The following PHLPP1 variants were observed in gnomAD, a reference collection of about 807,000 sequenced individuals.
PHLPP1 encodes the protein PH domain and leucine rich repeat protein phosphatase 1.
PHLPP1 carries 42 observed loss-of-function variants against 117.2 expected under a neutral mutation model. The ratio of observed to expected loss-of-function variants is 0.36; its 90% confidence interval spans 0.28 to 0.46. The LOEUF (loss-of-function observed/expected upper bound fraction) is 0.46, where lower values mean the gene tolerates loss of function less well. Ranked by LOEUF, PHLPP1 falls within the 20% of genes least tolerant of loss-of-function variation. The pLI is 1.00. For missense variants in PHLPP1, 2,084 were observed against 2,241.9 expected, an observed-to-expected ratio of 0.93 and a Z score of 1.42; for synonymous variants, 1,042 against 970.7, an observed-to-expected ratio of 1.07 and a Z score of -1.37.
chr18:62,821,152 C>T (rs1196411766), intron 1 of PHLPP1, among the ~76,000 whole-genome samples: 1 of 152,148 alleles, frequency 6.6e-6, no homozygotes, highest in East Asian at 1.9e-4. Flanking sequence ...AAAAGATGGA[C>T]CTAGTGCGTT....
intron 1 of PHLPP1, among the ~76,000 whole-genome samples, chr18:62,817,672 G>A (rs1914326034): frequency 6.6e-6 from 1 of 151,726 alleles, no homozygotes. Flanking sequence ...TTAAAATAAT[G>A]GCTGAAAAAA....
chr18:62,874,046 T>C (rs975710735), intron 4 of PHLPP1, among the ~76,000 whole-genome samples: 17 of 150,884 alleles, frequency 1.1e-4, no homozygotes, highest in African/African-American at 4.2e-4. Context: ...AGCTGGGCCG[T>C]GGTGGTGCAT....
At chr18:62,843,367 A>G (rs1246918447) in intron 3 of PHLPP1, among the ~76,000 whole-genome samples, 2 of 152,196 alleles carry the variant, frequency 1.3e-5, no homozygotes, top group Non-Finnish European at 2.9e-5. Flanking sequence ...TTAAAAGGAA[A>G]GTTCTTTATT....
At chr18:62,798,020 T>G (rs1373956247) in intron 1 of PHLPP1, among the ~76,000 whole-genome samples, 1 of 152,256 alleles carries the variant, frequency 6.6e-6, no homozygotes, top group Non-Finnish European at 1.5e-5. Flanking sequence ...AGTTGATTCC[T>G]TTTTCCAAGC....
At chr18:62,931,878 GA>G (rs61550621) in intron 10 of PHLPP1, among the ~76,000 whole-genome samples, 32,143 of 76,506 alleles carry the variant, frequency 0.42, 4,500 homozygotes, top group Middle Eastern at 0.49. Flanking sequence ...CTGGGCGACA[GA>G]AAAAAAAAAA....
At chr18:62,871,562 A>AGGTGATCTG (rs1354575053) in intron 4 of PHLPP1, among the ~76,000 whole-genome samples, 2 of 151,828 alleles carry the variant, frequency 1.3e-5, no homozygotes, top group African/African-American at 4.8e-5. Context: ...TCCTGACCTC[A>AGGTGATCTG]GGTGATCTGA....
chr18:62,896,077 G>A, intron 6 of PHLPP1, 66 bp downstream of exon 6: 1 of 943,500 alleles, frequency 1.1e-6, no homozygotes, highest in Non-Finnish European at 1.6e-6. Flanking sequence ...TGGGGAGTAG[G>A]TTATTAACCA....
intron 14 of PHLPP1, among the ~76,000 whole-genome samples, chr18:62,967,965 A>G: frequency 6.6e-6 from 1 of 151,892 alleles, no homozygotes; most frequent in Non-Finnish European, 1.5e-5. Flanking sequence ...CTAGGATTTC[A>G]GGCATGCGCC....
intron 1 of PHLPP1, among the ~76,000 whole-genome samples, chr18:62,739,890 C>T (rs1911472408): frequency 6.6e-6 from 1 of 152,128 alleles, no homozygotes. Context: ...AGCTCATCAA[C>T]CAAGTAATCA....
Position 62,717,288 on chromosome 18 carries a change from G to T in PHLPP1, c.1576+29G>T. Reference sequence around the variant, plus strand: ...AGGAAGTCACCTGCCTTGACGGGTGGTTGCAAAAGCTGCCGAGGACCGAGG... The same window carrying T: ...AGGAAGTCACCTGCCTTGACGGGTGTTTGCAAAAGCTGCCGAGGACCGAGG... On this transcript the variant is annotated intron_variant, in intron 1 of 16. Transcript: ENST00000262719. The T allele has an allele frequency of 3.3e-6, 5 of 1,537,596 alleles. 1 individual carries two copies. The highest frequency in any genetic ancestry group is 4.1e-4 in the Middle Eastern group (2 of 4,824).
intron 11 of PHLPP1, 24 bp downstream of exon 11, chr18:62,941,942 G>C (rs766091546): frequency 6.4e-7 from 1 of 1,551,398 alleles, no homozygotes; most frequent in Non-Finnish European, 8.9e-7. Flanking sequence ...GTAAAGCTGC[G>C]TTCTGAATTG....
chr18:62,821,904 G>A (rs1013516253), intron 1 of PHLPP1, among the ~76,000 whole-genome samples: 2 of 151,804 alleles, frequency 1.3e-5, no homozygotes, highest in East Asian at 1.9e-4. Flanking sequence ...GATTACAGGC[G>A]CATGCCACTA....
intron 1 of PHLPP1, among the ~76,000 whole-genome samples, chr18:62,798,450 T>G (rs1423425210): frequency 6.6e-6 from 1 of 152,212 alleles, no homozygotes; most frequent in African/African-American, 2.4e-5. Flanking sequence ...ATATATCTTA[T>G]GAAGCAAAAT....
intron 6 of PHLPP1, among the ~76,000 whole-genome samples, chr18:62,896,459 T>A (rs182576008): frequency 1.3e-5 from 2 of 151,880 alleles, no homozygotes; most frequent in African/African-American, 4.8e-5. Flanking sequence ...GCCTGGCTAA[T>A]TTTTTTGTAT....
chr18:62,865,712 T>G (rs930587189), intron 4 of PHLPP1, among the ~76,000 whole-genome samples: 11 of 152,174 alleles, frequency 7.2e-5, no homozygotes, highest in Non-Finnish European at 1.3e-4. Flanking sequence ...CCATAAAAAG[T>G]GAGATTATGT....
rs1490544627 is a variant in PHLPP1 at position 62,822,279 on chromosome 18, T to G, written c.1577-7756T>G. ...TAGAAAATAGTGTTTTTTTTTTTTTTGTTTTTGTTTTTTTTTTTTTGAGAC... is the reference window on the plus strand; with the variant it reads ...TAGAAAATAGTGTTTTTTTTTTTTTGGTTTTTGTTTTTTTTTTTTTGAGAC... On this transcript the variant is annotated intron_variant, in intron 1 of 16. Coordinates refer to ENST00000262719, the MANE Select transcript of PHLPP1 (RefSeq NM_194449.4). 8.1e-4 allele frequency among the ~76,000 whole-genome samples: 116 copies of G among 142,992 alleles called. 1 individual carries two copies. The highest frequency in any genetic ancestry group is 2.7e-3 in the African/African-American group (105 of 38,490). The allele number at this position is 142,992 out of a possible 152,430, so 93.8% of individuals were successfully genotyped here.
Position 62,716,486 on chromosome 18 carries a change from G to T in PHLPP1, c.803G>T (p.Gly268Val). The change falls in exon 1 of 17, where the codon GGC becomes GTC. Residue 268 changes from glycine to valine, a missense_variant. By Grantham distance (109) the Gly-to-Val change is moderately radical (BLOSUM62 -3). Coordinates refer to ENST00000262719, the MANE Select transcript of PHLPP1 (RefSeq NM_194449.4). This position sits in a 1 kb window ranked among gnomAD's most constrained non-coding sequence, Gnocchi z 5.7. ...REPAEPPPEA[G>V]PRLAPPEPRD... ...CCCGCTGAACCGCCCCCCGAGGCCG[G>T]CCCCCGGCTGGCGCCCCCGGAGCCG... 1 of 1,215,722 alleles carries T rather than the reference G, an allele frequency of 8.2e-7. No homozygotes were observed. Among genetic ancestry groups the T allele is most frequent in the Non-Finnish European group, 1.0e-6 (1 of 979,498 alleles). 75.3% of individuals were successfully genotyped at this position (1,215,722 alleles called of 1,614,324 possible). A position where few individuals can be genotyped will look rare whatever the true frequency, so the allele number is the denominator to read the frequency against.
At chr18:62,903,795 A>G (rs1433173148) in intron 7 of PHLPP1, among the ~76,000 whole-genome samples, 4 of 151,968 alleles carry the variant, frequency 2.6e-5, no homozygotes, top group South Asian at 2.1e-4. Context: ...ACAAGAAAAG[A>G]TAATTTAAAA....
At chr18:62,797,205 T>G (rs972001468) in intron 1 of PHLPP1, among the ~76,000 whole-genome samples, 6 of 152,224 alleles carry the variant, frequency 3.9e-5, no homozygotes, top group Non-Finnish European at 7.3e-5. Context: ...TTATTCCTTT[T>G]CCGAAAGATG....
Sources: gnomAD v4.1 joint callset for allele counts (sites outside exome capture counted in the v4.1 genomes callset) on GRCh38, gnomAD v4.1.1 for gene constraint, Gnocchi (gnomAD v3.1) non-coding constraint, MANE v1.5 for transcripts, NCBI Gene and HGNC (gene_info 2026-07-23, HGNC 2026-07-21) for gene names.